Variants in PEX16 observed in about 807,000 individuals in gnomAD.
PEX16 encodes peroxisomal biogenesis factor 16, also known as peroxin 16.
In PEX16, 37 loss-of-function variants were observed where a neutral mutation model predicts 50.5. The observed-to-expected ratio is 0.73, with a 90% CI of 0.56 to 0.96. PEX16 has a LOEUF of 0.96. Ranked by LOEUF, PEX16 falls within the 40% of genes least tolerant of loss-of-function variation. PEX16 has a pLI of 0.00. For synonymous variants in PEX16, 185 were observed against 190.3 expected, an observed-to-expected ratio of 0.97 and a Z score of 0.23; for missense variants, 401 against 438.3, an observed-to-expected ratio of 0.91 and a Z score of 0.76.
At chr11:45,914,806 A>ATAGT in intron 5 of PEX16, 122 bp from the exon 6 acceptor site, 1 of 854,986 alleles carries the variant, frequency 1.2e-6, no homozygotes, top group Non-Finnish European at 2.0e-6. Context: ...GTACTATGGC[A>ATAGT]ACAGCTGAGT....
chr11:45,916,757 C>T (rs2001591), intron 2 of PEX16, among the ~76,000 whole-genome samples: 25,147 of 152,228 alleles, frequency 0.17, 2,437 homozygotes, highest in South Asian at 0.21. Context: ...GCAACCTCTG[C>T]CTCCCAGGTT....
chr11:45,912,134 G>A (rs2086785433), intron 9 of PEX16: 1 of 152,302 alleles, frequency 6.6e-6, no homozygotes, highest in Non-Finnish European at 1.5e-5. Context: ...AAAGGACAGG[G>A]AGCAGGGTCC....
upstream of PEX16, chr11:45,918,139 C>T: frequency 2.2e-6 from 1 of 446,270 alleles, no homozygotes; most frequent in Middle Eastern, 6.6e-4. Context: ...GCTGCCCTTG[C>T]GCCTGCGCAG....
intron 5 of PEX16, among the ~76,000 whole-genome samples, 169 bp downstream of exon 5, chr11:45,915,299 C>T (rs974006500): frequency 2.6e-5 from 4 of 152,256 alleles, no homozygotes; most frequent in Non-Finnish European, 4.4e-5. Flanking sequence ...GATTTTGTCC[C>T]TAGCCGCATC....
In PEX16 at chr11:45,910,112, C is replaced by T. The variant is rs1365016025; in HGVS notation, c.*142G>A. The T allele has an allele frequency of 6.2e-7, 1 of 1,611,670 alleles. No individual in the cohort carries two copies. ...AGTCAAGGGTGTCCTGGGAGGAACG[C>T]TGGTGGCGACCAGGGCTGTGTGTGG... On this transcript the variant is annotated 3_prime_UTR_variant, in exon 11 of 11. Transcript: ENST00000378750.
At chr11:45,915,437 T>C (rs1402991550) in intron 5 of PEX16, 31 bp downstream of exon 5, 1 of 1,563,748 alleles carries the variant, frequency 6.4e-7, no homozygotes, top group Non-Finnish European at 8.8e-7. Context: ...CCATGGCCCA[T>C]TCCGCTCCAG....
In PEX16 at chr11:45,914,144, C is replaced by T. The variant is rs1196458477; in HGVS notation, c.754G>A (p.Val252Met). The change falls in exon 8 of 11, where the codon GTG becomes ATG. Residue 252 changes from valine to methionine, a missense_variant. Coordinates refer to ENST00000378750, the MANE Select transcript of PEX16 (RefSeq NM_004813.4). Reference sequence around the variant, plus strand: ...GCCCAGGCTCACCTGGTCACGTCCACAACACCAGCCAAGAGCCAGGGTTTC... The same window carrying T: ...GCCCAGGCTCACCTGGTCACGTCCATAACACCAGCCAAGAGCCAGGGTTTC... ...SWKPWLLAGVVDVTSLSLLSD... is the reference protein window; with the variant it reads ...SWKPWLLAGVMDVTSLSLLSD... 1 of 1,603,788 alleles carries T rather than the reference C, an allele frequency of 6.2e-7. No individual in the cohort carries two copies. The highest frequency in any genetic ancestry group is 1.1e-5 in the South Asian group (1 of 89,768).
chr11:45,910,401 A>T (rs1401314610), intron 10 of PEX16, 89 bp from the exon 11 acceptor site: 1 of 1,089,556 alleles, frequency 9.2e-7, no homozygotes, highest in Non-Finnish European at 1.4e-6. Flanking sequence ...GCGGCCCAGG[A>T]GCCAGCCCAG....
At chr11:45,917,569 C>T (rs1280058764) in intron 1 of PEX16, 76 bp from the exon 2 acceptor site, 3 of 1,573,160 alleles carry the variant, frequency 1.9e-6, no homozygotes, top group Non-Finnish European at 1.7e-6. Context: ...GAAATCCCCT[C>T]CCTACGCCCT....
intron 2 of PEX16, chr11:45,917,241 T>C: frequency 2.9e-6 from 2 of 690,110 alleles, no homozygotes; most frequent in Admixed American, 2.0e-5. Flanking sequence ...GCCTGGCCAG[T>C]AGTGAATACT....
At chr11:45,917,185 G>A (rs2086845894) in intron 2 of PEX16, 1 of 693,664 alleles carries the variant, frequency 1.4e-6, no homozygotes, top group Admixed American at 2.0e-5. Context: ...TAATATGACT[G>A]TAGGGAGGAT....
chr11:45,917,636 G>T (rs761841285), intron 1 of PEX16, 64 bp downstream of exon 1: 147 of 1,485,340 alleles, frequency 9.9e-5, no homozygotes, highest in Admixed American at 1.6e-4. Flanking sequence ...ACTCCGCAGG[G>T]AAGGGGGCCA....
At chr11:45,915,967 G>A in intron 3 of PEX16, 131 bp from the exon 4 acceptor site, 1 of 928,256 alleles carries the variant, frequency 1.1e-6, no homozygotes, top group Non-Finnish European at 1.8e-6. Context: ...GTGCAGGTGT[G>A]AGTTCAAACA....
Position 45,914,067 on chromosome 11 carries a change from G to A in PEX16, c.767+64C>T, listed in dbSNP as rs2086806015. ...CAGGGGCCGCTGCCACCCCGCCTAT[G>A]TGAGGCCAGGATTATAGCAGAAAGC... On this transcript the variant is annotated intron_variant, in intron 8 of 10. Transcript: ENST00000378750. 4.6e-5 allele frequency: 72 copies of A among 1,574,020 alleles called. No homozygotes were observed. In the South Asian group the frequency reaches 8.0e-4, roughly 17 times the overall value.
intron 9 of PEX16, among the ~76,000 whole-genome samples, chr11:45,913,228 T>C (rs2086796348): frequency 6.6e-6 from 1 of 152,148 alleles, no homozygotes; most frequent in South Asian, 2.1e-4. Flanking sequence ...CCTGTCAGAC[T>C]GTGGTCTAAC....
chr11:45,914,536 C>A (rs2086813521), intron 6 of PEX16, 68 bp from the exon 7 acceptor site: 1 of 1,611,150 alleles, frequency 6.2e-7, no homozygotes, highest in Admixed American at 1.7e-5. Context: ...GGCTGCTGAC[C>A]AAAGCCAGTC....
Position 45,915,475 on chromosome 11 carries a change from C to CT in PEX16, c.452dup (p.Pro152AlafsTer5). 6.2e-7 allele frequency: 1 copy of CT among 1,613,846 alleles called. No homozygotes were observed. The highest frequency in any genetic ancestry group is 8.5e-7 in the Non-Finnish European group (1 of 1,179,722). The stretch of plus-strand genomic sequence containing the variant: ...CTTGGGGAAGTAGCTCACCCGGGGG[C>CT]TGTGCCTGGGTCTCTCTGTCCAGTG... On this transcript the variant is annotated frameshift_variant, in exon 5 of 11. Transcript: ENST00000378750. LOFTEE classifies it high-confidence loss of function.
intron 2 of PEX16, among the ~76,000 whole-genome samples, chr11:45,916,542 C>A (rs996670132): frequency 1.3e-5 from 2 of 152,242 alleles, no homozygotes; most frequent in Non-Finnish European, 2.9e-5. Context: ...AGTTACTGCC[C>A]TGCTGGATGG....
rs766753438 is a variant in PEX16 at position 45,914,449 on chromosome 11, C to T, written c.561G>A (p.Arg187=). The stretch of plus-strand genomic sequence containing the variant: ...CCCGCTGCTGGGGAGCTCCCCAGTG[C>T]CTGGAGTGCAGGGACGGCGCTAGAA... ...TLQNTPSLHS[R]HWGAPQQREG... The change falls in exon 7 of 11, where the codon AGG becomes AGA. Residue 187 remains arginine, a synonymous_variant. Transcript: ENST00000378750. 2 of 1,608,392 alleles carry T rather than the reference C, an allele frequency of 1.2e-6. No individual in the cohort carries two copies. Among genetic ancestry groups the T allele is most frequent in the Non-Finnish European group, 8.5e-7 (1 of 1,179,914 alleles).
Sources: gnomAD v4.1 joint callset for allele counts (sites outside exome capture counted in the v4.1 genomes callset) on GRCh38, gnomAD v4.1.1 for gene constraint, MANE v1.5 for transcripts, NCBI Gene and HGNC (gene_info 2026-07-23, HGNC 2026-07-21) for gene names.